Variants in TP53BP1 observed in about 807,000 individuals in gnomAD.
TP53BP1 encodes tumor protein p53 binding protein 1, also known as TP53-binding protein 1.
In TP53BP1, 61 loss-of-function variants were observed where a neutral mutation model predicts 200.8. The ratio of observed to expected loss-of-function variants is 0.30; its 90% CI spans 0.25 to 0.38. TP53BP1 has a LOEUF of 0.38. TP53BP1 is among the 10% of genes least tolerant of loss of function. TP53BP1 has a pLI of 1.00. For synonymous variants in TP53BP1, 822 were observed against 844.3 expected (o/e 0.97, Z 0.46); for missense variants, 2,144 against 2,371.9 (o/e 0.90, Z 2.00).
At position 43,432,206 on chromosome 15, in the gene TP53BP1, C is replaced by A; in HGVS notation, c.3663G>T (p.Ser1221=). Residue 1221 remains serine (S), a synonymous_variant, in exon 17 of 28, where the codon TCG becomes TCT. Coordinates refer to ENST00000382044, the MANE Select transcript of TP53BP1 (RefSeq NM_001141980.3). ...PVSAPGDDTE[S]LHSQGEEEFD... is the part of the protein sequence containing the mutation. ...TATGTTCTCTCACCTGGCTATGGAGCGACTCTGTATCATCCCCAGGAGCAC... is the reference window on the plus strand; with the variant it reads ...TATGTTCTCTCACCTGGCTATGGAGAGACTCTGTATCATCCCCAGGAGCAC... The A allele has an allele frequency of 1.2e-6, 2 of 1,613,734 alleles. No individual in the cohort carries two copies. The highest frequency in any genetic ancestry group is 1.7e-6 in the Non-Finnish European group (2 of 1,179,806).
rs897057833 is a variant in TP53BP1, at chr15:43,409,093, T to C, written c.5404A>G (p.Asn1802Asp). Residue 1802 changes from asparagine to aspartate, a missense_variant, in exon 26 of 28, where the codon AAC becomes GAC. Asn to Asp is a conservative substitution (Grantham distance 23, BLOSUM62 1). This residue lies in a region of TP53BP1 where 334 missense variants were observed against 453.4 expected (regional missense o/e 0.74). Coordinates refer to ENST00000382044, the MANE Select transcript of TP53BP1 (RefSeq NM_001141980.3). Reference sequence around the variant, plus strand: ...ATTAGAAGACACTGGTAAGCTGTGTTACACTGCAAGAAAAGAAGCAGAGCC... The same window carrying C: ...ATTAGAAGACACTGGTAAGCTGTGTCACACTGCAAGAAAAGAAGCAGAGCC... ...ILEDFNEAQC[N>D]TAYQCLLIAD... is the part of the protein sequence containing the mutation. 3 of 1,614,152 alleles carry C rather than the reference T, an allele frequency of 1.9e-6. No individual in the cohort carries two copies. The South Asian group carries it at 3.3e-5, about 18-fold the overall frequency.
At chr15:43,481,160 C>G (rs1483462912) in intron 4 of TP53BP1, 138 bp from the exon 5 acceptor site, 1 of 888,262 alleles carries the variant, frequency 1.1e-6, no homozygotes, top group Admixed American at 2.4e-5. Flanking sequence ...TATAGTGCTT[C>G]TTTCTACAAA....
At chr15:43,461,346 A>T (rs574273950) in intron 11 of TP53BP1, among the ~76,000 whole-genome samples, 1 of 151,980 alleles carries the variant, frequency 6.6e-6, no homozygotes, top group South Asian at 2.1e-4. Context: ...CAGCCTCCCG[A>T]GTAGCTGGGA....
intron 11 of TP53BP1, 45 bp from the exon 12 acceptor site, chr15:43,457,263 A>G (rs759970219): frequency 4.1e-6 from 6 of 1,477,260 alleles, no homozygotes; most frequent in Non-Finnish European, 5.4e-6. Context: ...GTACATGATC[A>G]TATATCTTTT....
chr15:43,481,041 T>C lies in TP53BP1; in HGVS notation c.372-19A>G, dbSNP rs1341293653. On this transcript the variant is annotated intron_variant, in intron 4 of 27. Coordinates refer to ENST00000382044, the MANE Select transcript of TP53BP1 (RefSeq NM_001141980.3). ...CAGAACACTACACAGCAGAAGGATA[T>C]AATCATGTGTTCCCAGATAGTTTGG... 16 of 1,613,912 alleles carry C rather than the reference T, an allele frequency of 9.9e-6. No individual in the cohort carries two copies. Among genetic ancestry groups the C allele is most frequent in the Non-Finnish European group, 1.4e-5 (16 of 1,179,960 alleles).
rs943761247 is a variant in TP53BP1, at chr15:43,479,915, T to C, written c.602A>G (p.Gln201Arg). The C allele has an allele frequency of 1.2e-6, 2 of 1,614,190 alleles. No individual in the cohort carries two copies. Among genetic ancestry groups the C allele is most frequent in the East Asian group, 2.2e-5 (1 of 44,892 alleles). ...VPYEVDKEQLQSVTTNSGYTR... is the reference protein window; with the variant it reads ...VPYEVDKEQLRSVTTNSGYTR... ...ATAACCAGAGTTGGTGGTTACTGAT[T>C]GTAGCTGCTCTTTGTCCACTTCATA... The change falls in exon 6 of 28, where the codon CAA becomes CGA. Residue 201 changes from glutamine to arginine, a missense_variant. Gln to Arg is a conservative substitution (Grantham distance 43). This residue lies in a region of TP53BP1 where 1,700 missense variants were observed against 1,710.3 expected (regional missense o/e 0.99). Coordinates refer to ENST00000382044, the MANE Select transcript of TP53BP1 (RefSeq NM_001141980.3).
At chr15:43,429,520 A>C in intron 17 of TP53BP1, among the ~76,000 whole-genome samples, 1 of 148,966 alleles carries the variant, frequency 6.7e-6, no homozygotes, top group Admixed American at 6.6e-5. Context: ...AATTACATAT[A>C]CAAATGCAAT....
At chr15:43,415,293 C>A in intron 23 of TP53BP1, 1 of 415,062 alleles carries the variant, frequency 2.4e-6, no homozygotes, top group Non-Finnish European at 4.5e-6. Context: ...CTGCAACCTC[C>A]GCCTTCCTGG....
chr15:43,476,897 G>A (rs1404058565), intron 8 of TP53BP1, among the ~76,000 whole-genome samples: 3 of 152,134 alleles, frequency 2.0e-5, no homozygotes, highest in East Asian at 3.8e-4. Flanking sequence ...ATTCCTATCT[G>A]TGTCAGATTA....
chr15:43,454,699 A>G (rs1251635768), intron 12 of TP53BP1, among the ~76,000 whole-genome samples: 1 of 151,388 alleles, frequency 6.6e-6, no homozygotes, highest in Non-Finnish European at 1.5e-5. Flanking sequence ...GAAAGATTGA[A>G]TTATTTTCAG....
chr15:43,421,721 A>G (rs2045403603), intron 19 of TP53BP1, 134 bp downstream of exon 19: 5 of 1,259,240 alleles, frequency 4.0e-6, no homozygotes, highest in African/African-American at 1.5e-5. Context: ...GAGAGCAAAT[A>G]GTGAAGAGGG....
chr15:43,421,604 G>C (rs574550073), intron 19 of TP53BP1: 1 of 572,968 alleles, frequency 1.7e-6, no homozygotes, highest in South Asian at 2.2e-5. Flanking sequence ...ATAAATTCCC[G>C]AAAGTCCCCT....
intron 11 of TP53BP1, among the ~76,000 whole-genome samples, chr15:43,469,209 A>C (rs965935826): frequency 1.3e-5 from 2 of 152,166 alleles, no homozygotes; most frequent in African/African-American, 4.8e-5. Flanking sequence ...TTTAAATTTA[A>C]AATTATACAA....
upstream of TP53BP1, among the ~76,000 whole-genome samples, chr15:43,493,751 C>T (rs2079161070): frequency 6.6e-6 from 1 of 152,150 alleles, no homozygotes; most frequent in Non-Finnish European, 1.5e-5. Context: ...TCCAGTAAGC[C>T]ATATTTCTTC....
chr15:43,498,142 T>C (rs1299923863), upstream of TP53BP1, among the ~76,000 whole-genome samples: 1 of 152,256 alleles, frequency 6.6e-6, no homozygotes, highest in African/African-American at 2.4e-5. Flanking sequence ...ATTTATATTT[T>C]ATTTTATTCA....
chr15:43,439,026 T>C (rs2045867084), intron 15 of TP53BP1, among the ~76,000 whole-genome samples: 1 of 152,186 alleles, frequency 6.6e-6, no homozygotes, highest in African/African-American at 2.4e-5. Flanking sequence ...ATGCTGAAAT[T>C]ATCTTCAAAA....
At chr15:43,453,066 C>T (rs1049524899) in intron 12 of TP53BP1, among the ~76,000 whole-genome samples, 2 of 151,652 alleles carry the variant, frequency 1.3e-5, no homozygotes, top group East Asian at 1.9e-4. Context: ...TGGTGGTGGG[C>T]GCCTGTAATC....
intron 18 of TP53BP1, among the ~76,000 whole-genome samples, chr15:43,423,257 A>G (rs2045447737): frequency 6.6e-6 from 1 of 151,510 alleles, no homozygotes; most frequent in African/African-American, 2.4e-5. Flanking sequence ...TAGCATGAGT[A>G]TGACACATCT....
At chr15:43,483,978 G>A (rs916375883) in intron 4 of TP53BP1, among the ~76,000 whole-genome samples, 3 of 152,168 alleles carry the variant, frequency 2.0e-5, no homozygotes, top group Non-Finnish European at 4.4e-5. Flanking sequence ...TTATGAGTCT[G>A]CAATTTAAAT....
Sources: gnomAD v4.1 joint callset for allele counts (sites outside exome capture counted in the v4.1 genomes callset) on GRCh38, gnomAD v4.1.1 for gene constraint, gnomAD v4.1.1 regional missense constraint, MANE v1.5 for transcripts, NCBI Gene and HGNC (gene_info 2026-07-23, HGNC 2026-07-21) for gene names.